The following ITGA11 variants were observed in gnomAD, a reference collection of about 807,000 sequenced individuals.
The protein encoded by ITGA11 is integrin alpha-11.
ITGA11 carries 97 observed loss-of-function variants against 141.9 expected under a neutral mutation model. The ratio of observed to expected loss-of-function variants is 0.68; its 90% CI spans 0.58 to 0.81. The LOEUF (loss-of-function observed/expected upper bound fraction) is 0.81. ITGA11 is among the 30% of genes least tolerant of loss of function. The probability of loss-of-function intolerance (pLI) is 0.00; values close to 1 mark genes in which losing one functional copy is unlikely to be tolerated. For synonymous variants in ITGA11, 658 were observed against 624.6 expected (o/e 1.05, Z -0.80); for missense variants, 1,387 against 1,559.2 (o/e 0.89, Z 1.86).
At chr15:68,329,671 G>A (rs1390257301) in intron 15 of ITGA11, among the ~76,000 whole-genome samples, 1 of 152,154 alleles carries the variant, frequency 6.6e-6, no homozygotes, top group Non-Finnish European at 1.5e-5. Context: ...CCCGGGCCTT[G>A]GTCATCTGCC....
chr15:68,427,008 G>A (rs1159402910), intron 1 of ITGA11, among the ~76,000 whole-genome samples: 21 of 71,946 alleles, frequency 2.9e-4, no homozygotes, highest in African/African-American at 1.1e-3. Context: ...GAGCAAGACT[G>A]TCTCAAAAAA....
rs375366049 is a variant in ITGA11 at position 68,311,296 on chromosome 15, C to T, written c.3081G>A (p.Thr1027=). ...CTCCCAAGGCCATCACCACCTCGTCCGTGAGGAAGTCCCTCAGCTTCAGTA... is the reference window on the plus strand; with the variant it reads ...CTCCCAAGGCCATCACCACCTCGTCTGTGAGGAAGTCCCTCAGCTTCAGTA... ...NRLLKLRDFL[T]DEANTSCNIW... Residue 1027 remains threonine (T), a synonymous_variant, in exon 25 of 30, where the codon ACG becomes ACA. Transcript: ENST00000315757. 32 of 1,562,618 alleles carry T rather than the reference C, an allele frequency of 2.0e-5. No homozygotes were observed. The highest frequency in any genetic ancestry group is 2.7e-5 in the African/African-American group (2 of 73,746).
intron 1 of ITGA11, among the ~76,000 whole-genome samples, chr15:68,425,104 C>T (rs1022080628): frequency 1.3e-5 from 2 of 152,214 alleles, no homozygotes; most frequent in African/African-American, 4.8e-5. Context: ...GGGCGCTCAG[C>T]ACATGCTGGT....
intron 2 of ITGA11, among the ~76,000 whole-genome samples, chr15:68,372,237 C>A (rs931831923): frequency 1.8e-4 from 28 of 152,296 alleles, no homozygotes; most frequent in Non-Finnish European, 2.6e-4. Context: ...ATGATTCAGT[C>A]CCAGTTTGAG....
Position 68,325,744 on chromosome 15 carries a change from C to T in ITGA11, c.2212-503G>A, listed in dbSNP as rs1489977436. Among the ~76,000 whole-genome samples, 2 of 152,190 alleles carry T rather than the reference C, an allele frequency of 1.3e-5. No individual in the cohort carries two copies. The highest frequency in any genetic ancestry group is 2.9e-5 in the Non-Finnish European group (2 of 68,030). On this transcript the variant is annotated intron_variant, in intron 17 of 29. Coordinates refer to ENST00000315757, the MANE Select transcript of ITGA11 (RefSeq NM_001004439.2). The surrounding 1 kb of genome is among the most constrained non-coding windows in gnomAD (Gnocchi z 5.5). ...TGTGGAATTGGTGAATGAACAAACTCGTGAGCAAGACAGGGGCGCTCAGGT... is the reference window on the plus strand; with the variant it reads ...TGTGGAATTGGTGAATGAACAAACTTGTGAGCAAGACAGGGGCGCTCAGGT...
At position 68,299,256 on chromosome 15, in the gene ITGA11, TCA is replaced by T. The variant is rs1355350366; in HGVS notation, c.*3801_*3802del. 2 of 152,208 alleles carry T rather than the reference TCA, an allele frequency of 1.3e-5. No individual in the cohort carries two copies. The highest frequency in any genetic ancestry group is 4.8e-5 in the African/African-American group (2 of 41,440). 9.4% of individuals were successfully genotyped at this position (152,208 alleles called of 1,614,324 possible). ...GCAAGGCTCCGTTCCTGTTTCAGTT[TCA>T]GTTTTGGAACATGCTGTCCTATTTT... On this transcript the variant is annotated 3_prime_UTR_variant, in exon 30 of 30. Transcript: ENST00000315757.
At chr15:68,381,006 G>A (rs1475176490) in intron 2 of ITGA11, among the ~76,000 whole-genome samples, 2 of 152,136 alleles carry the variant, frequency 1.3e-5, no homozygotes, top group East Asian at 1.9e-4. Context: ...TTAACTTCTT[G>A]CCATTGGTCA....
intron 26 of ITGA11, among the ~76,000 whole-genome samples, chr15:68,309,811 G>A (rs1446869899): frequency 6.6e-6 from 1 of 152,044 alleles, no homozygotes; most frequent in Non-Finnish European, 1.5e-5. Context: ...GGCTGGTCTC[G>A]AGCTCCTGAC....
Position 68,299,860 on chromosome 15 carries a change from T to C in ITGA11, c.*3199A>G, listed in dbSNP as rs1353411707. 1.3e-5 allele frequency: 2 copies of C among 152,204 alleles called. No homozygotes were observed. Among genetic ancestry groups the C allele is most frequent in the African/African-American group, 4.8e-5 (2 of 41,442 alleles). 9.4% of individuals were successfully genotyped at this position (152,204 alleles called of 1,614,324 possible). ...CATGTCCCTAGGCAGAGCTATTCCA[T>C]AGTGTCTCCATTGTGTTTGCATTAG... is the stretch of plus-strand genomic sequence containing the variant. On this transcript the variant is annotated 3_prime_UTR_variant, in exon 30 of 30. Coordinates refer to ENST00000315757, the MANE Select transcript of ITGA11 (RefSeq NM_001004439.2).
rs1309255843 is a variant in ITGA11 at position 68,298,760 on chromosome 15, C to T, written c.*4299G>A. ...AAAATTTTTTGACTCTGACTTGGGC[C>T]ACCTTCTGAAAACATTTCAGACACA... On this transcript the variant is annotated 3_prime_UTR_variant, in exon 30 of 30. Coordinates refer to ENST00000315757, the MANE Select transcript of ITGA11 (RefSeq NM_001004439.2). 6.6e-6 allele frequency: 1 copy of T among 152,170 alleles called. No homozygotes were observed. The highest frequency in any genetic ancestry group is 1.5e-5 in the Non-Finnish European group (1 of 68,028). 9.4% of individuals were successfully genotyped at this position (152,170 alleles called of 1,614,324 possible). A position where few individuals can be genotyped will look rare whatever the true frequency, so the allele number is the denominator to read the frequency against.
rs3736494 is a variant in ITGA11, at chr15:68,321,440, G to T, written c.2386C>A (p.Arg796=). 0.2 allele frequency: 308,626 copies of T among 1,577,468 alleles called. 33,928 individuals are homozygous for T. The highest frequency in any genetic ancestry group is 0.45 in the African/African-American group (32,419 of 71,828). Residue 796 remains arginine (R), a synonymous_variant, in exon 19 of 30, where the codon CGG becomes AGG. Transcript: ENST00000315757. The surrounding 1 kb of genome is among the most constrained non-coding windows in gnomAD (Gnocchi z 4.9). ...CACATGGCCGTGGGCAGGTCACTCC[G>T]GGCATCCAACACAAGGTCAGGGACA... ...HCVPDLVLDA[R]SDLPTAMEYC...
chr15:68,395,321 A>T (rs1031182279), intron 2 of ITGA11, among the ~76,000 whole-genome samples: 1 of 152,158 alleles, frequency 6.6e-6, no homozygotes, highest in African/African-American at 2.4e-5. Flanking sequence ...CTGGATGGAG[A>T]ATGACTTTGA....
At chr15:68,332,291 G>C (rs1372487131) in intron 13 of ITGA11, 47 bp downstream of exon 13, 4 of 1,565,816 alleles carry the variant, frequency 2.6e-6, no homozygotes, top group Admixed American at 1.9e-5. Flanking sequence ...AGTCAAAGCA[G>C]AGGTTGGGGG....
At chr15:68,312,904 G>A in intron 23 of ITGA11, 41 bp from the exon 24 acceptor site, 1 of 1,439,868 alleles carries the variant, frequency 6.9e-7, no homozygotes, top group Non-Finnish European at 9.8e-7. Flanking sequence ...GCTCAGTCAG[G>A]GCTGGCTGGA....
At chr15:68,386,997 G>A (rs1435820482) in intron 2 of ITGA11, among the ~76,000 whole-genome samples, 3 of 152,136 alleles carry the variant, frequency 2.0e-5, no homozygotes, top group East Asian at 1.9e-4. Context: ...AGGCGAGGGA[G>A]TAAAGAGGGG....
intron 10 of ITGA11, 84 bp downstream of exon 10, chr15:68,348,746 G>GCCA: frequency 8.3e-7 from 1 of 1,210,790 alleles, no homozygotes. Flanking sequence ...GAAGGTGGAT[G>GCCA]ACAGATCCAG....
chr15:68,431,767 G>A (rs1897275285), intron 1 of ITGA11, among the ~76,000 whole-genome samples: 1 of 152,246 alleles, frequency 6.6e-6, no homozygotes, highest in Non-Finnish European at 1.5e-5. Flanking sequence ...TTCAACTCAA[G>A]CCTCTTCAAC....
At chr15:68,356,987 G>A in intron 7 of ITGA11, 164 bp downstream of exon 7, 1 of 659,894 alleles carries the variant, frequency 1.5e-6, no homozygotes, top group South Asian at 2.0e-5. Flanking sequence ...GAGGACCCAA[G>A]AGAAAACCGA....
chr15:68,403,116 G>T (rs1896551882), intron 1 of ITGA11, 87 bp from the exon 2 acceptor site: 2 of 829,418 alleles, frequency 2.4e-6, no homozygotes, highest in Admixed American at 2.1e-5. Context: ...CCATTGGCAG[G>T]TCATGAACCT....
Sources: gnomAD v4.1 joint callset for allele counts (sites outside exome capture counted in the v4.1 genomes callset) on GRCh38, gnomAD v4.1.1 for gene constraint, Gnocchi (gnomAD v3.1) non-coding constraint, MANE v1.5 for transcripts, NCBI Gene and HGNC (gene_info 2026-07-23, HGNC 2026-07-21) for gene names.